Variants in TLCD4 observed in about 807,000 individuals in gnomAD.
TLCD4 encodes TLC domain-containing protein 4.
TLCD4 carries 7 observed loss-of-function variants against 24.2 expected under a neutral mutation model. The ratio of observed to expected loss-of-function variants is 0.29; its 90% CI spans 0.16 to 0.54. The LOEUF is 0.54. Ranked by LOEUF, TLCD4 falls within the 20% of genes least tolerant of loss-of-function variation. TLCD4 has a pLI of 0.95. For synonymous variants in TLCD4, 103 were observed against 106.4 expected (o/e 0.97, Z 0.20); for missense variants, 259 against 313.9 (o/e 0.82, Z 1.32).
chr1:95,188,343 G>C (rs1434045907), intron 6 of TLCD4, among the ~76,000 whole-genome samples: 1 of 146,898 alleles, frequency 6.8e-6, no homozygotes, highest in Non-Finnish European at 1.5e-5. Context: ...AGCCAAGATC[G>C]CGCCACTGTA....
intron 5 of TLCD4, among the ~76,000 whole-genome samples, chr1:95,154,310 G>C (rs1677572093): frequency 1.3e-5 from 2 of 152,156 alleles, no homozygotes; most frequent in Non-Finnish European, 2.9e-5. Flanking sequence ...GGGACAGGAG[G>C]GGAGAAAAAG....
intron 1 of TLCD4, among the ~76,000 whole-genome samples, chr1:95,142,119 T>C (rs1322530944): frequency 2.2e-5 from 3 of 133,958 alleles, no homozygotes; most frequent in Non-Finnish European, 3.1e-5. Context: ...TATGAGCAAA[T>C]GCCTTAGTGC....
At chr1:95,165,090 G>A (rs1301640191) in intron 5 of TLCD4, 1 of 152,222 alleles carries the variant, frequency 6.6e-6, no homozygotes, top group Non-Finnish European at 1.5e-5. Flanking sequence ...AGTGGCCTGG[G>A]GCTCCCTGTC....
rs527529405 is a variant in TLCD4, at chr1:95,159,537, T to C, written c.399+8118T>C. 4.3e-4 allele frequency among the ~76,000 whole-genome samples: 65 copies of C among 152,348 alleles called. 3 individuals carry two copies. The South Asian group carries it at 0.013, about 30-fold the overall frequency. ...AGATCGCATTTGTCACTTTTGGCTT[T>C]TGTTGCCATTGCTTTTGGTGTTTTA... On this transcript the variant is annotated intron_variant, in intron 5 of 6. Coordinates refer to ENST00000370203, the MANE Select transcript of TLCD4 (RefSeq NM_152487.3).
intron 1 of TLCD4, among the ~76,000 whole-genome samples, chr1:95,138,071 T>C (rs1677097441): frequency 6.6e-6 from 1 of 152,112 alleles, no homozygotes; most frequent in Non-Finnish European, 1.5e-5. Flanking sequence ...AGCATCTTAT[T>C]GGGATTTTAA....
chr1:95,161,459 T>C (rs1342068321), intron 5 of TLCD4, among the ~76,000 whole-genome samples: 1 of 152,224 alleles, frequency 6.6e-6, no homozygotes, highest in Non-Finnish European at 1.5e-5. Flanking sequence ...AACCAGCTCT[T>C]GGATTCATTG....
chr1:95,183,863 A>T (rs1396831590), intron 6 of TLCD4, among the ~76,000 whole-genome samples: 1 of 148,308 alleles, frequency 6.7e-6, no homozygotes, highest in Non-Finnish European at 1.5e-5. Context: ...AAACAAAAAC[A>T]AAAAAAACAA....
chr1:95,163,534 G>C (rs1320721253), intron 5 of TLCD4: 1 of 152,162 alleles, frequency 6.6e-6, no homozygotes. Context: ...GTCCAGCTTT[G>C]TTCTGCTGCT....
At chr1:95,168,492 T>C (rs924005150) in intron 5 of TLCD4, among the ~76,000 whole-genome samples, 7 of 151,822 alleles carry the variant, frequency 4.6e-5, no homozygotes, top group Admixed American at 1.3e-4. Context: ...TCCACTGATA[T>C]CTTTATGAGA....
At chr1:95,178,678 T>G (rs1678528878) in intron 6 of TLCD4, among the ~76,000 whole-genome samples, 1 of 151,452 alleles carries the variant, frequency 6.6e-6, no homozygotes, top group African/African-American at 2.4e-5. Context: ...CATATTGGTG[T>G]AAGGGACTAT....
At chr1:95,148,923 A>G in intron 3 of TLCD4, 132 bp downstream of exon 3, 1 of 1,226,226 alleles carries the variant, frequency 8.2e-7, no homozygotes, top group Non-Finnish European at 1.1e-6. Context: ...TTGTGCTCAG[A>G]CATTCTAGCA....
At chr1:95,185,406 A>G (rs1031168582) in intron 6 of TLCD4, among the ~76,000 whole-genome samples, 15 of 152,228 alleles carry the variant, frequency 9.9e-5, no homozygotes, top group African/African-American at 3.1e-4. Flanking sequence ...GAAGGAATTC[A>G]TGGTTGATGG....
intron 6 of TLCD4, among the ~76,000 whole-genome samples, chr1:95,184,662 T>C (rs576189820): frequency 6.4e-4 from 97 of 152,298 alleles, no homozygotes; most frequent in Non-Finnish European, 1.2e-3. Flanking sequence ...TAACAGTAAA[T>C]GGTGGGTAAA....
intron 1 of TLCD4, among the ~76,000 whole-genome samples, chr1:95,133,587 T>C (rs918664478): frequency 6.6e-6 from 1 of 152,144 alleles, no homozygotes; most frequent in Non-Finnish European, 1.5e-5. Context: ...CGTTTTCATA[T>C]GTTGGCTTCT....
chr1:95,146,134 A>C (rs1677339850), intron 2 of TLCD4, among the ~76,000 whole-genome samples: 1 of 151,952 alleles, frequency 6.6e-6, no homozygotes, highest in African/African-American at 2.4e-5. Context: ...TCTAAACATG[A>C]GTTGAGAGTG....
At chr1:95,151,128 A>G (rs1000264032) in intron 4 of TLCD4, among the ~76,000 whole-genome samples, 197 bp from the exon 5 acceptor site, 3 of 152,152 alleles carry the variant, frequency 2.0e-5, no homozygotes, top group Admixed American at 2.0e-4. Flanking sequence ...GAGGAGCCAC[A>G]GGAGTGTGGA....
intron 1 of TLCD4, chr1:95,121,265 G>A (rs924685079): frequency 6.6e-6 from 1 of 152,344 alleles, no homozygotes; most frequent in South Asian, 2.1e-4. Flanking sequence ...CAAATTGGCT[G>A]ATGAATTCAG....
intron 2 of TLCD4, among the ~76,000 whole-genome samples, chr1:95,147,104 C>A (rs1277387509): frequency 1.4e-5 from 2 of 144,034 alleles, no homozygotes; most frequent in African/African-American, 5.2e-5. Flanking sequence ...GACAGAGTGT[C>A]GCTCTGTTGC....
At chr1:95,126,633 C>G (rs1676743745) in intron 1 of TLCD4, among the ~76,000 whole-genome samples, 1 of 152,126 alleles carries the variant, frequency 6.6e-6, no homozygotes, top group Admixed American at 6.5e-5. Flanking sequence ...AAAGGGTTAG[C>G]TGGGCTGAAG....
Sources: gnomAD v4.1 joint callset for allele counts (sites outside exome capture counted in the v4.1 genomes callset) on GRCh38, gnomAD v4.1.1 for gene constraint, MANE v1.5 for transcripts, NCBI Gene and HGNC (gene_info 2026-07-23, HGNC 2026-07-21) for gene names.